MTOR: variants seen among roughly 807,000 people sequenced by gnomAD.
MTOR encodes serine/threonine-protein kinase mTOR.
Under a neutral mutation model 319.8 loss-of-function variants are expected in MTOR, and 70 were observed. That is an observed-to-expected ratio of 0.22 (90% CI 0.18 to 0.27). MTOR has a LOEUF of 0.27. MTOR is among the 10% of genes least tolerant of loss of function. The pLI is 1.00. For synonymous variants in MTOR, 1,183 were observed against 1,211.4 expected, an observed-to-expected ratio of 0.98 and a Z score of 0.49; for missense variants, 1,890 against 3,274.4, an observed-to-expected ratio of 0.58 and a Z score of 10.32.
chr1:11,140,443 C>T (rs914480484), intron 34 of MTOR, among the ~76,000 whole-genome samples: 1 of 152,140 alleles, frequency 6.6e-6, no homozygotes, highest in African/African-American at 2.4e-5. Context: ...ATGTGGCTGC[C>T]GATCTGACAG....
In MTOR at chr1:11,199,886, C is replaced by T. The variant is rs1230066056; in HGVS notation, c.3945-183G>A. 6.6e-6 allele frequency among the ~76,000 whole-genome samples: 1 copy of T among 152,212 alleles called. No individual in the cohort carries two copies. Among genetic ancestry groups the T allele is most frequent in the African/African-American group, 2.4e-5 (1 of 41,462 alleles). Reference sequence around the variant, plus strand: ...ATGGTAGCCAGTGATCACTAAAGCACTTGAACTGTGGCAAGTGTGGCCAAG... The same window carrying T: ...ATGGTAGCCAGTGATCACTAAAGCATTTGAACTGTGGCAAGTGTGGCCAAG... On this transcript the variant is annotated intron_variant, in intron 26 of 57. Transcript: ENST00000361445. This position sits in a 1 kb window ranked among gnomAD's most constrained non-coding sequence, Gnocchi z 4.5.
chr1:11,135,467 A>C (rs1643358032), intron 36 of MTOR, among the ~76,000 whole-genome samples: 1 of 152,230 alleles, frequency 6.6e-6, no homozygotes, highest in Non-Finnish European at 1.5e-5. Flanking sequence ...AAGAAGGAAA[A>C]AATCAAGACT....
At chr1:11,201,721 ATTTAT>A (rs1439292101) in intron 26 of MTOR, among the ~76,000 whole-genome samples, 11 of 152,318 alleles carry the variant, frequency 7.2e-5, no homozygotes, top group East Asian at 5.8e-4. Flanking sequence ...TCCTATTCAC[ATTTAT>A]TTTAATTTTC....
At chr1:11,145,941 G>A (rs758031239) in intron 32 of MTOR, among the ~76,000 whole-genome samples, 7 of 152,130 alleles carry the variant, frequency 4.6e-5, no homozygotes, top group African/African-American at 7.2e-5. Context: ...CTCTAAAATT[G>A]GCAGAGATGC....
chr1:11,125,348 A>G (rs1282075397), intron 46 of MTOR, among the ~76,000 whole-genome samples: 2 of 152,330 alleles, frequency 1.3e-5, no homozygotes, highest in East Asian at 1.9e-4. Flanking sequence ...AGAAGACAAC[A>G]GCTCATGCAG....
intron 30 of MTOR, among the ~76,000 whole-genome samples, chr1:11,154,010 A>G (rs1644234372): frequency 7.6e-6 from 1 of 132,214 alleles, no homozygotes; most frequent in African/African-American, 2.8e-5. Context: ...TGAAGGTTGC[A>G]GTGAGCCGAA....
chr1:11,156,966 T>TA (rs1464909262), intron 30 of MTOR, among the ~76,000 whole-genome samples, 186 bp downstream of exon 30: 1 of 152,144 alleles, frequency 6.6e-6, no homozygotes, highest in Admixed American at 6.5e-5. Context: ...CCTTCCTACT[T>TA]AGCAGCTGAG....
At chr1:11,211,805 C>T (rs141073396) in intron 23 of MTOR, among the ~76,000 whole-genome samples, 1 of 152,284 alleles carries the variant, frequency 6.6e-6, no homozygotes, top group Non-Finnish European at 1.5e-5. Flanking sequence ...TAACTACAAG[C>T]ACTTCCCCAT....
At position 11,133,311 on chromosome 1, in the gene MTOR, A is replaced by C; in HGVS notation, c.5247-114T>G. 1 of 948,648 alleles carries C rather than the reference A, an allele frequency of 1.1e-6. No individual in the cohort carries two copies. Among genetic ancestry groups the C allele is most frequent in the Non-Finnish European group, 1.6e-6 (1 of 611,932 alleles). The allele number at this position is 948,648 out of a possible 1,614,324, so 58.8% of individuals were successfully genotyped here. The stretch of plus-strand genomic sequence containing the variant: ...CCTTCTGGTATTTCCTCTTATTCTC[A>C]AGAGGCAATGTGAAGGAGCTAGCAA... On this transcript the variant is annotated intron_variant, in intron 37 of 57. Coordinates refer to ENST00000361445, the MANE Select transcript of MTOR (RefSeq NM_004958.4). The surrounding 1 kb of genome is among the most constrained non-coding windows in gnomAD (Gnocchi z 4.0).
At chr1:11,260,534 C>G (rs1374996393) in intron 1 of MTOR, among the ~76,000 whole-genome samples, 3 of 149,150 alleles carry the variant, frequency 2.0e-5, no homozygotes, top group Admixed American at 6.7e-5. Context: ...AAGAGCAAAA[C>G]TCCATCTCAA....
intron 28 of MTOR, among the ~76,000 whole-genome samples, chr1:11,197,960 G>A (rs1020710497): frequency 5.3e-5 from 8 of 152,190 alleles, no homozygotes; most frequent in African/African-American, 1.9e-4. Flanking sequence ...CCAGGCCTCT[G>A]ACTATATTTT....
chr1:11,154,003 A>G (rs1644233933), intron 30 of MTOR, among the ~76,000 whole-genome samples: 1 of 132,724 alleles, frequency 7.5e-6, no homozygotes. Flanking sequence ...TGGGAGGTGA[A>G]GGTTGCAGTG....
chr1:11,253,593 G>A (rs748738436), intron 6 of MTOR, among the ~76,000 whole-genome samples: 3 of 151,996 alleles, frequency 2.0e-5, no homozygotes, highest in East Asian at 1.9e-4. Context: ...GTGGACCCCC[G>A]TCAAATAACA....
At chr1:11,220,598 C>T (rs376236277) in intron 19 of MTOR, among the ~76,000 whole-genome samples, 51 of 152,230 alleles carry the variant, frequency 3.4e-4, no homozygotes, top group African/African-American at 1.1e-3. Context: ...CGACATAAAA[C>T]GACAATAATG....
chr1:11,192,167 C>G lies in MTOR; in HGVS notation c.4253+7091G>C. 3.5e-6 allele frequency: 3 copies of G among 856,662 alleles called. No individual in the cohort carries two copies. The South Asian group carries it at 4.6e-5, about 13-fold the overall frequency. The allele number at this position is 856,662 out of a possible 1,614,324, so 53.1% of individuals were successfully genotyped here. ...GCAGACACTGATGGGTAATTAACAC[C>G]ACTGAGAATCCCAGGGTAGAAATAA... is the stretch of plus-strand genomic sequence containing the variant. On this transcript the variant is annotated intron_variant, in intron 28 of 57. Coordinates refer to ENST00000361445, the MANE Select transcript of MTOR (RefSeq NM_004958.4).
intron 32 of MTOR, among the ~76,000 whole-genome samples, chr1:11,145,888 T>C (rs954038346): frequency 9.9e-5 from 15 of 152,208 alleles, no homozygotes; most frequent in African/African-American, 2.7e-4. Flanking sequence ...CTCCAGGTGG[T>C]AGCTCTGGCT....
rs761073845 is a variant in MTOR at position 11,199,234 on chromosome 1, A to T, written c.4253+24T>A. The T allele has an allele frequency of 6.2e-7, 1 of 1,614,150 alleles. No individual in the cohort carries two copies. Among genetic ancestry groups the T allele is most frequent in the Non-Finnish European group, 8.5e-7 (1 of 1,179,992 alleles). On this transcript the variant is annotated intron_variant, in intron 28 of 57. Coordinates refer to ENST00000361445, the MANE Select transcript of MTOR (RefSeq NM_004958.4). This position sits in a 1 kb window ranked among gnomAD's most constrained non-coding sequence, Gnocchi z 4.5. ...AGAGGTCATTTTGCATGAAGGCAGC[A>T]ATTAAAAAGGGTTTATGGCCTACCT...
chr1:11,180,180 T>C (rs925625603), intron 28 of MTOR, among the ~76,000 whole-genome samples: 6 of 152,100 alleles, frequency 3.9e-5, no homozygotes, highest in African/African-American at 1.4e-4. Flanking sequence ...GCTGGGATTA[T>C]AGGAGTGAGC....
chr1:11,230,038 C>T (rs1053969597), intron 18 of MTOR, among the ~76,000 whole-genome samples: 1 of 151,972 alleles, frequency 6.6e-6, no homozygotes, highest in East Asian at 1.9e-4. Context: ...AATTATTCCA[C>T]CTGTCTAACT....
Sources: gnomAD v4.1 joint callset for allele counts (sites outside exome capture counted in the v4.1 genomes callset) on GRCh38, gnomAD v4.1.1 for gene constraint, Gnocchi (gnomAD v3.1) non-coding constraint, MANE v1.5 for transcripts, NCBI Gene and HGNC (gene_info 2026-07-23, HGNC 2026-07-21) for gene names.